Variants in ARHGAP40 observed in about 807,000 individuals in gnomAD.
ARHGAP40 encodes the protein Rho GTPase activating protein 40, also known as rho GTPase-activating protein 40.
ARHGAP40 carries 43 observed loss-of-function variants against 73.5 expected under a neutral mutation model. That is an observed-to-expected ratio of 0.58 (90% CI 0.46 to 0.75). The LOEUF (loss-of-function observed/expected upper bound fraction) is 0.75, where lower values mean the gene tolerates loss of function less well. Among genes scored for constraint, ARHGAP40 ranks in the 30% least tolerant of loss-of-function variants. ARHGAP40 has a pLI of 0.00. For missense variants in ARHGAP40, 734 were observed against 861.8 expected (o/e 0.85, Z 1.86); for synonymous variants, 300 against 352.8 (o/e 0.85, Z 1.68).
rs539274861 is a variant in ARHGAP40, at chr20:38,630,155, C to A, written c.783+505C>A. On this transcript the variant is annotated intron_variant, in intron 5 of 14. Coordinates refer to ENST00000373345, the Ensembl canonical transcript of ARHGAP40. ...TTCTTTCTCCTCCCTCCTTCCCTCC[C>A]TCCCTCCCTTCCTTCCTTCCTTCTT... Among the ~76,000 whole-genome samples the A allele has an allele frequency of 4.8e-5, 7 of 146,202 alleles. No homozygotes were observed. The South Asian group carries it at 1.6e-3, about 33-fold the overall frequency.
At chr20:38,612,785 A>G (rs2088811406) in intron 1 of ARHGAP40, among the ~76,000 whole-genome samples, 2 of 152,244 alleles carry the variant, frequency 1.3e-5, no homozygotes, top group Admixed American at 6.5e-5. Flanking sequence ...CATACTAAAT[A>G]CCATATTTCA....
At chr20:38,624,984 T>A (rs1275384889) in intron 2 of ARHGAP40, among the ~76,000 whole-genome samples, 1 of 152,180 alleles carries the variant, frequency 6.6e-6, no homozygotes, top group African/African-American at 2.4e-5. Flanking sequence ...CACATTCCCC[T>A]CCTCCATCCT....
rs200498977 is a variant in ARHGAP40 at position 38,643,865 on chromosome 20, C to T, written c.1524C>T (p.Ala508=). The T allele has an allele frequency of 5.4e-4, 709 of 1,305,224 alleles. 4 individuals carry two copies. The highest frequency in any genetic ancestry group is 3.0e-3 in the Middle Eastern group (14 of 4,692). 80.9% of individuals were successfully genotyped at this position (1,305,224 alleles called of 1,614,324 possible). A position where few individuals can be genotyped will look rare whatever the true frequency, so the allele number is the denominator to read the frequency against. ...AGAAGCAGCTGGCAGAAGGGGCAGCCGAGGTGGTGCAGATAATGGTGCACT... is the reference window on the plus strand; with the variant it reads ...AGAAGCAGCTGGCAGAAGGGGCAGCTGAGGTGGTGCAGATAATGGTGCACT... The change falls in exon 11 of 15, where the codon GCC becomes GCT. Residue 508 remains alanine (A), a synonymous_variant. Coordinates refer to ENST00000373345, the Ensembl canonical transcript of ARHGAP40.
chr20:38,634,701 C>T (rs1245873343), exon 6 of ARHGAP40: 1 of 1,305,408 alleles, frequency 7.7e-7, no homozygotes, highest in Non-Finnish European at 1.0e-6. Context: ...GGTACCTTCT[C>T]TGGCCCTCAT....
At chr20:38,643,858 G>A (rs1230736137) in exon 11 of ARHGAP40, 1 of 1,305,350 alleles carries the variant, frequency 7.7e-7, no homozygotes, top group Admixed American at 2.3e-5. Flanking sequence ...CTGGCAGAAG[G>A]GGCAGCCGAG....
At chr20:38,610,498 T>C (rs1361850586) in intron 1 of ARHGAP40, among the ~76,000 whole-genome samples, 1 of 152,174 alleles carries the variant, frequency 6.6e-6, no homozygotes. Flanking sequence ...TGAGAAGGTG[T>C]CTCCATGGCA....
chr20:38,605,389 G>C (rs555658332), intron 1 of ARHGAP40, among the ~76,000 whole-genome samples: 2 of 152,140 alleles, frequency 1.3e-5, no homozygotes. Context: ...GACCTGAAAG[G>C]CCTGAGCAGG....
chr20:38,620,684 T>C (rs1023208804), intron 1 of ARHGAP40, among the ~76,000 whole-genome samples: 6 of 152,232 alleles, frequency 3.9e-5, no homozygotes, highest in Non-Finnish European at 7.3e-5. Flanking sequence ...AATTTTATAA[T>C]TAACTGGGAC....
chr20:38,628,857 T>C (rs2088919166), intron 3 of ARHGAP40, 70 bp from the exon 4 acceptor site: 1 of 1,147,372 alleles, frequency 8.7e-7, no homozygotes, highest in Non-Finnish European at 1.1e-6. Context: ...GTGGCTTCTG[T>C]CTCCCAGGGT....
chr20:38,611,520 C>T (rs915412921), intron 1 of ARHGAP40, among the ~76,000 whole-genome samples: 1 of 150,304 alleles, frequency 6.7e-6, no homozygotes, highest in African/African-American at 2.4e-5. Flanking sequence ...TGGGCTCAAG[C>T]AATCCTCCTG....
At chr20:38,650,104 C>G (rs1445848577) in exon 15 of ARHGAP40, 1 of 348,282 alleles carries the variant, frequency 2.9e-6, no homozygotes, top group East Asian at 7.9e-5. Context: ...CCTGGAAGAA[C>G]TGGACAGAGG....
At position 38,628,907 on chromosome 20, in the gene ARHGAP40, A is replaced by C; in HGVS notation, c.559-20A>C. On this transcript the variant is annotated intron_variant, in intron 3 of 14. Coordinates refer to ENST00000373345, the Ensembl canonical transcript of ARHGAP40. The stretch of plus-strand genomic sequence containing the variant: ...CAGCTTCCCACATGAGTAATTGGGC[A>C]CTGTCTGTAATTTGCATAGAAAATG... The C allele has an allele frequency of 7.7e-7, 1 of 1,300,162 alleles. No individual in the cohort carries two copies. Among genetic ancestry groups the C allele is most frequent in the Non-Finnish European group, 1.0e-6 (1 of 985,994 alleles). 80.5% of individuals were successfully genotyped at this position (1,300,162 alleles called of 1,614,324 possible). A position where few individuals can be genotyped will look rare whatever the true frequency, so the allele number is the denominator to read the frequency against.
At chr20:38,641,148 G>T (rs576269631) in intron 9 of ARHGAP40, among the ~76,000 whole-genome samples, 1 of 152,022 alleles carries the variant, frequency 6.6e-6, no homozygotes, top group Non-Finnish European at 1.5e-5. Context: ...CAGGCCTGGC[G>T]CCCAGGGTGC....
chr20:38,639,349 C>T (rs1320212550), exon 9 of ARHGAP40: 11 of 1,305,558 alleles, frequency 8.4e-6, no homozygotes, highest in South Asian at 2.5e-5. Flanking sequence ...CACCTTTGCT[C>T]ACGGCTGAGT....
intron 1 of ARHGAP40, chr20:38,614,920 T>A (rs2088825915): frequency 5.9e-6 from 8 of 1,365,326 alleles, no homozygotes; most frequent in African/African-American, 1.4e-5. Flanking sequence ...TCTCTAGAAG[T>A]CCTGAGACTG....
chr20:38,606,352 T>C (rs959334029), intron 1 of ARHGAP40, among the ~76,000 whole-genome samples: 1 of 152,232 alleles, frequency 6.6e-6, no homozygotes, highest in Admixed American at 6.5e-5. Context: ...ATAGGAATCA[T>C]GGAGTCCAAA....
Position 38,649,765 on chromosome 20 carries a change from C to T in ARHGAP40, c.1945C>T (p.Arg649Cys), listed in dbSNP as rs750560172. The T allele has an allele frequency of 8.4e-6, 11 of 1,305,014 alleles. No individual in the cohort carries two copies. Among genetic ancestry groups the T allele is most frequent in the South Asian group, 1.2e-5 (1 of 81,014 alleles). The allele number at this position is 1,305,014 out of a possible 1,614,324, so 80.8% of individuals were successfully genotyped here. ...ACCCCTTCTTCCCACAGATGAGCAT[C>T]GCCTGGACCCAGATGCCTACCTCTT... Residue 649 changes from arginine to cysteine, a missense_variant, in exon 15 of 15, where the codon CGC becomes TGC. By Grantham distance (180) the Arg-to-Cys change is radical. Coordinates refer to ENST00000373345, the Ensembl canonical transcript of ARHGAP40.
At position 38,646,574 on chromosome 20, in the gene ARHGAP40, C is replaced by T. The variant is rs533851195; in HGVS notation, c.1711-383C>T. On this transcript the variant is annotated intron_variant, in intron 12 of 14. Coordinates refer to ENST00000373345, the Ensembl canonical transcript of ARHGAP40. This position sits in a 1 kb window ranked among gnomAD's most constrained non-coding sequence, Gnocchi z 4.5. ...ATACTGAGTATTCCTAGGAGGGGTCCTGAACACGGTTCCTTATTAAAGTCC... is the reference window on the plus strand; with the variant it reads ...ATACTGAGTATTCCTAGGAGGGGTCTTGAACACGGTTCCTTATTAAAGTCC... Among the ~76,000 whole-genome samples, 1 of 152,252 alleles carries T rather than the reference C, an allele frequency of 6.6e-6. No individual in the cohort carries two copies. The highest frequency in any genetic ancestry group is 2.4e-5 in the African/African-American group (1 of 41,540).
intron 1 of ARHGAP40, among the ~76,000 whole-genome samples, chr20:38,615,720 T>C (rs897386562): frequency 1.3e-5 from 2 of 152,014 alleles, no homozygotes; most frequent in African/African-American, 4.8e-5. Flanking sequence ...CACCTGGGAA[T>C]GGTGTGAGTG....
Sources: gnomAD v4.1 joint callset for allele counts (sites outside exome capture counted in the v4.1 genomes callset) on GRCh38, gnomAD v4.1.1 for gene constraint, Gnocchi (gnomAD v3.1) non-coding constraint, MANE v1.5 for transcripts, NCBI Gene and HGNC (gene_info 2026-07-23, HGNC 2026-07-21) for gene names.